SLIT2: variants seen among roughly 807,000 people sequenced by gnomAD.
SLIT2 encodes the protein slit guidance ligand 2.
In SLIT2, 41 loss-of-function variants were observed where a neutral mutation model predicts 185.7. The ratio of observed to expected loss-of-function variants is 0.22; its 90% confidence interval spans 0.17 to 0.29. SLIT2 has a LOEUF of 0.29. Among genes scored for constraint, SLIT2 ranks in the 10% least tolerant of loss-of-function variants. The pLI is 1.00. For missense variants in SLIT2, 1,571 were observed against 1,909.0 expected (o/e 0.82, Z 3.30); for synonymous variants, 693 against 680.2 (o/e 1.02, Z -0.29).
chr4:20,255,497 C>T (rs1399288136), intron 1 of SLIT2, among the ~76,000 whole-genome samples: 1 of 152,120 alleles, frequency 6.6e-6, no homozygotes, highest in Non-Finnish European at 1.5e-5. Flanking sequence ...AATAGCCCAA[C>T]AATTTTAGGA....
At chr4:20,493,193 AG>A (rs1199323394) in intron 9 of SLIT2, among the ~76,000 whole-genome samples, 1 of 152,176 alleles carries the variant, frequency 6.6e-6, no homozygotes, top group Admixed American at 6.5e-5. Context: ...GAGAGATTGT[AG>A]TTGAACCTAA....
At chr4:20,487,027 A>G (rs1483551789) in intron 7 of SLIT2, among the ~76,000 whole-genome samples, 1 of 152,120 alleles carries the variant, frequency 6.6e-6, no homozygotes, top group African/African-American at 2.4e-5. Context: ...AGTTGGGTAA[A>G]TATATTTTGA....
intron 3 of SLIT2, among the ~76,000 whole-genome samples, chr4:20,261,551 A>T (rs1017806044): frequency 2.6e-5 from 4 of 151,850 alleles, no homozygotes; most frequent in Admixed American, 2.6e-4. Context: ...ACAGTCATTC[A>T]CTTCTATTTT....
rs772484691 is a variant in SLIT2, at chr4:20,618,880, A to C, written c.4461A>C (p.Ala1487=). The C allele has an allele frequency of 6.2e-7, 1 of 1,614,146 alleles. No individual in the cohort carries two copies. The highest frequency in any genetic ancestry group is 1.1e-5 in the South Asian group (1 of 91,086). Residue 1487 remains alanine (A), a synonymous_variant, in exon 37 of 37, where the codon GCA becomes GCC. Transcript: ENST00000504154. ...GATTAGAGTGCAGAGGTGGGTGTGC[A>C]GGAGGGCAGTGCTGTGGACCGCTGA... The part of the protein sequence containing the change: ...VSRLECRGGC[A]GGQCCGPLRS...
intron 5 of SLIT2, among the ~76,000 whole-genome samples, chr4:20,472,454 A>C (rs1560454161): frequency 1.1e-4 from 5 of 46,756 alleles, no homozygotes; most frequent in Non-Finnish European, 1.5e-4. Context: ...ATCTATATAG[A>C]TATATCTATA....
At chr4:20,474,439 C>T (rs930342488) in intron 5 of SLIT2, among the ~76,000 whole-genome samples, 1 of 152,026 alleles carries the variant, frequency 6.6e-6, no homozygotes, top group South Asian at 2.1e-4. Flanking sequence ...TTTTCTTTGT[C>T]TTCAGAGTGC....
chr4:20,467,911 A>G lies in SLIT2; in HGVS notation c.467+88A>G, dbSNP rs1714535985. 3 of 663,346 alleles carry G rather than the reference A, an allele frequency of 4.5e-6. No homozygotes were observed. The East Asian group carries it at 9.0e-5, about 20-fold the overall frequency. 41.1% of individuals were successfully genotyped at this position (663,346 alleles called of 1,614,324 possible). A position where few individuals can be genotyped will look rare whatever the true frequency, so the allele number is the denominator to read the frequency against. On this transcript the variant is annotated intron_variant, in intron 5 of 36. Transcript: ENST00000504154. ...ATATTAAATAAAGTGTCAGAAAGAA[A>G]TGGTGAAAACCCTGTGTATATTTAT...
intron 33 of SLIT2, among the ~76,000 whole-genome samples, chr4:20,604,813 G>T (rs916838962): frequency 6.6e-6 from 1 of 151,496 alleles, no homozygotes; most frequent in African/African-American, 2.4e-5. Flanking sequence ...ATTCCAAAGC[G>T]TGGAATATGT....
At chr4:20,538,016 G>C (rs1242028156) in intron 18 of SLIT2, among the ~76,000 whole-genome samples, 1 of 152,140 alleles carries the variant, frequency 6.6e-6, no homozygotes, top group African/African-American at 2.4e-5. Context: ...CTGGAGTGCT[G>C]TGATGCTATC....
intron 5 of SLIT2, among the ~76,000 whole-genome samples, chr4:20,478,389 G>A (rs1322240043): frequency 6.6e-6 from 1 of 152,182 alleles, no homozygotes; most frequent in Admixed American, 6.5e-5. Flanking sequence ...ATATGAAGAA[G>A]CGTATAACCA....
chr4:20,483,139 C>G (rs1236702607), intron 6 of SLIT2, among the ~76,000 whole-genome samples: 1 of 151,876 alleles, frequency 6.6e-6, no homozygotes, highest in Non-Finnish European at 1.5e-5. Flanking sequence ...ATTTCAGATT[C>G]CAAGGGTTTT....
chr4:20,419,667 C>CTGTGTGTGTG (rs55679047), intron 4 of SLIT2, among the ~76,000 whole-genome samples: 2,663 of 138,012 alleles, frequency 0.019, 58 homozygotes, highest in East Asian at 0.052. Flanking sequence ...AAGTTTTAAG[C>CTGTGTGTGTG]TGTGTGTGTG....
At chr4:20,501,025 T>C (rs1482075714) in intron 9 of SLIT2, among the ~76,000 whole-genome samples, 2 of 152,202 alleles carry the variant, frequency 1.3e-5, no homozygotes, top group African/African-American at 4.8e-5. Context: ...AATGCAATGA[T>C]TCTTCTCTAG....
chr4:20,292,251 TAAAAGAGAC>T (rs369867888), intron 4 of SLIT2, among the ~76,000 whole-genome samples: 9 of 152,318 alleles, frequency 5.9e-5, no homozygotes, highest in African/African-American at 2.2e-4. Context: ...AGGTTTCTAA[TAAAAGAGAC>T]ACGTTTTGTG....
At chr4:20,572,730 C>G (rs1222910154) in intron 29 of SLIT2, among the ~76,000 whole-genome samples, 4 of 152,156 alleles carry the variant, frequency 2.6e-5, no homozygotes, top group Admixed American at 2.6e-4. Context: ...TCTTAATTAA[C>G]TTTTATTCTT....
intron 4 of SLIT2, among the ~76,000 whole-genome samples, chr4:20,335,200 A>C (rs1408650272): frequency 6.6e-6 from 1 of 152,106 alleles, no homozygotes; most frequent in Non-Finnish European, 1.5e-5. Flanking sequence ...GACACAGCCA[A>C]ACCATATCAG....
At chr4:20,368,403 C>T (rs530713743) in intron 4 of SLIT2, among the ~76,000 whole-genome samples, 2 of 151,350 alleles carry the variant, frequency 1.3e-5, no homozygotes, top group Non-Finnish European at 2.9e-5. Context: ...TCTCAGTAGC[C>T]CTCTGGAAAG....
At chr4:20,426,168 C>G (rs1728542160) in intron 4 of SLIT2, among the ~76,000 whole-genome samples, 1 of 152,116 alleles carries the variant, frequency 6.6e-6, no homozygotes, top group Non-Finnish European at 1.5e-5. Flanking sequence ...TTGGCTTAAC[C>G]AACACATGCT....
At chr4:20,508,613 A>G (rs1368630564) in intron 9 of SLIT2, among the ~76,000 whole-genome samples, 1 of 152,114 alleles carries the variant, frequency 6.6e-6, no homozygotes, top group Non-Finnish European at 1.5e-5. Context: ...ATATGCAGTA[A>G]TACCTCAATT....
Sources: gnomAD v4.1 joint callset for allele counts (sites outside exome capture counted in the v4.1 genomes callset) on GRCh38, gnomAD v4.1.1 for gene constraint, MANE v1.5 for transcripts, NCBI Gene and HGNC (gene_info 2026-07-23, HGNC 2026-07-21) for gene names.